EHF: variants seen among roughly 807,000 people sequenced by gnomAD.
The protein encoded by EHF is ETS homologous factor.
A neutral mutation model predicts 45.1 loss-of-function variants in EHF; 14 were observed. The observed-to-expected ratio is 0.31, with a 90% CI of 0.21 to 0.49. EHF has a LOEUF of 0.49. Among genes scored for constraint, EHF ranks in the 20% least tolerant of loss-of-function variants. The pLI, the probability that EHF is intolerant of heterozygous loss-of-function variation, is 0.99. For missense variants in EHF, 282 were observed against 371.4 expected, an observed-to-expected ratio of 0.76 and a Z score of 1.98; for synonymous variants, 136 against 131.8, an observed-to-expected ratio of 1.03 and a Z score of -0.22.
rs138021725 is a variant in EHF, at chr11:34,642,300, AG to A, written c.-3-327del. 2.3e-3 allele frequency: 407 copies of A among 173,300 alleles called. 9 individuals carry two copies. Among genetic ancestry groups the A allele is most frequent in the East Asian group, 5.7e-3 (36 of 6,348 alleles). The allele number at this position is 173,300 out of a possible 1,614,324, so 10.7% of individuals were successfully genotyped here. ...GCATTTTCACTTTTGTAAAAAAAAA[AG>A]AAAAAAAAAAACTGCTTGGATGCCA... On this transcript the variant is annotated intron_variant, in intron 1 of 8. Coordinates refer to ENST00000257831, the MANE Select transcript of EHF (RefSeq NM_012153.6).
chr11:34,642,538 T>G (rs1376458487), intron 1 of EHF, 90 bp from the exon 2 acceptor site: 15 of 830,598 alleles, frequency 1.8e-5, no homozygotes, highest in Non-Finnish European at 3.0e-5. Context: ...TTCTCTTTAT[T>G]TTCTTCCTAA....
In EHF at chr11:34,649,001, C is replaced by A; in HGVS notation, c.344-18C>A. On this transcript the variant is annotated intron_variant, in intron 3 of 8. Transcript: ENST00000257831. ...TCCATCTGGGCCCTCTCTGACTATC[C>A]CAATCTGTCCTTCACAGGCCAGTGC... 6.2e-7 allele frequency: 1 copy of A among 1,611,134 alleles called. No homozygotes were observed. The highest frequency in any genetic ancestry group is 8.5e-7 in the Non-Finnish European group (1 of 1,177,898).
At chr11:34,655,087 C>A (rs770273792) in intron 6 of EHF, among the ~76,000 whole-genome samples, 4 of 152,172 alleles carry the variant, frequency 2.6e-5, no homozygotes, top group Non-Finnish European at 5.9e-5. Flanking sequence ...CTGCAACCTA[C>A]AGGGAGGGAG....
chr11:34,631,564 C>T (rs1852891858), intron 1 of EHF: 3 of 984,698 alleles, frequency 3.0e-6, no homozygotes, highest in South Asian at 9.4e-5. Flanking sequence ...GCCCTTTCCA[C>T]CTGGGACCTG....
chr11:34,634,183 T>G (rs1033267992), intron 1 of EHF, among the ~76,000 whole-genome samples: 2 of 141,776 alleles, frequency 1.4e-5, no homozygotes, highest in African/African-American at 5.2e-5. Flanking sequence ...CTTTCACATG[T>G]ACATGGATTT....
At chr11:34,653,784 G>T (rs774925431) in intron 6 of EHF, among the ~76,000 whole-genome samples, 1 of 152,090 alleles carries the variant, frequency 6.6e-6, no homozygotes. Flanking sequence ...TTTATTTTTC[G>T]AGCTCCCATG....
At chr11:34,631,592 G>A (rs1852893881) in intron 1 of EHF, 1 of 983,986 alleles carries the variant, frequency 1.0e-6, no homozygotes. Context: ...AAATCTCTTG[G>A]CAGGAGATGA....
intron 1 of EHF, chr11:34,622,234 T>C (rs1475556346): frequency 8.0e-6 from 2 of 250,304 alleles, no homozygotes; most frequent in African/African-American, 2.3e-5. Flanking sequence ...TGATTTACCA[T>C]GCTCCCAGGA....
At chr11:34,621,764 A>G (rs1369784096) in intron 1 of EHF, among the ~76,000 whole-genome samples, 3 of 152,242 alleles carry the variant, frequency 2.0e-5, no homozygotes, top group Non-Finnish European at 4.4e-5. Flanking sequence ...ACACAATCAC[A>G]CTGGAAAAAG....
chr11:34,659,883 T>A lies in EHF; in HGVS notation c.*952T>A, dbSNP rs1304700346. On this transcript the variant is annotated 3_prime_UTR_variant, in exon 9 of 9. Coordinates refer to ENST00000257831, the MANE Select transcript of EHF (RefSeq NM_012153.6). ...GTGCATTGTAAGATGTTCAGCAGTA[T>A]CCACTCATGGTCTCTAACCACTTGA... is the stretch of plus-strand genomic sequence containing the variant. 4 of 152,160 alleles carry A rather than the reference T, an allele frequency of 2.6e-5. No individual in the cohort carries two copies. Among genetic ancestry groups the A allele is most frequent in the African/African-American group, 9.7e-5 (4 of 41,430 alleles). The allele number at this position is 152,160 out of a possible 1,614,324, so 9.4% of individuals were successfully genotyped here. A position where few individuals can be genotyped will look rare whatever the true frequency, so the allele number is the denominator to read the frequency against.
chr11:34,636,809 G>A (rs1159946628), intron 1 of EHF, among the ~76,000 whole-genome samples: 1 of 152,198 alleles, frequency 6.6e-6, no homozygotes, highest in Non-Finnish European at 1.5e-5. Flanking sequence ...AAGGCAGGCA[G>A]ATCACCTGAG....
chr11:34,628,875 T>C (rs1852615669), intron 1 of EHF, among the ~76,000 whole-genome samples: 1 of 152,312 alleles, frequency 6.6e-6, no homozygotes, highest in Middle Eastern at 3.4e-3. Context: ...CGGGGCCCCA[T>C]GCTTAGAAAG....
At chr11:34,651,888 CCTTTCTGGAGT>C in intron 6 of EHF, 83 bp downstream of exon 6, 2 of 1,347,682 alleles carry the variant, frequency 1.5e-6, no homozygotes, top group East Asian at 4.6e-5. Context: ...TACATTTCTG[CCTTTCTGGAGT>C]CTTTCTAATT....
At chr11:34,621,686 C>T (rs1405156859) in intron 1 of EHF, among the ~76,000 whole-genome samples, 4 of 152,162 alleles carry the variant, frequency 2.6e-5, no homozygotes, top group African/African-American at 9.7e-5. Context: ...TTATGAGCTA[C>T]ATGGAAAGGC....
At position 34,645,085 on chromosome 11, in the gene EHF, C is replaced by A. The variant is rs993298352; in HGVS notation, c.98-1354C>A. On this transcript the variant is annotated intron_variant, in intron 2 of 8. Coordinates refer to ENST00000257831, the MANE Select transcript of EHF (RefSeq NM_012153.6). ...GTCTTTGCCCCTTGCCCCTTTCACT[C>A]ATCTTTCCTGAAAGAGAGTTCCTTC... 2.0e-5 allele frequency among the ~76,000 whole-genome samples: 3 copies of A among 152,184 alleles called. No homozygotes were observed. In the South Asian group the frequency reaches 6.2e-4, roughly 32 times the overall value.
rs976860055 is a variant in EHF at position 34,621,180 on chromosome 11, A to C, written c.-52A>C. 6.6e-6 allele frequency: 1 copy of C among 152,236 alleles called. No homozygotes were observed. Among genetic ancestry groups the C allele is most frequent in the Admixed American group, 6.5e-5 (1 of 15,286 alleles). 9.4% of individuals were successfully genotyped at this position (152,236 alleles called of 1,614,324 possible). ...GATTGCAGCCTGCTGCCTCCCCTCC[A>C]ACAGCCACAGCTATTGGATTTCCCA... is the stretch of plus-strand genomic sequence containing the variant. On this transcript the variant is annotated 5_prime_UTR_variant, in exon 1 of 9. Transcript: ENST00000257831.
intron 1 of EHF, chr11:34,624,295 C>T (rs1003400218): frequency 3.0e-6 from 3 of 985,368 alleles, no homozygotes; most frequent in East Asian, 1.1e-4. Context: ...AAACCGAACG[C>T]GGCGCTGTGG....
intron 3 of EHF, among the ~76,000 whole-genome samples, chr11:34,647,520 C>T (rs932676318): frequency 6.6e-6 from 1 of 152,232 alleles, no homozygotes; most frequent in Admixed American, 6.5e-5. Flanking sequence ...CTGTAAAAAT[C>T]TAGCTCTTCT....
At position 34,634,398 on chromosome 11, in the gene EHF, A is replaced by G. The variant is rs185335313; in HGVS notation, c.-3-8230A>G. On this transcript the variant is annotated intron_variant, in intron 1 of 8. Coordinates refer to ENST00000257831, the MANE Select transcript of EHF (RefSeq NM_012153.6). ...TAATTGCTCCTTTGGCTTCAGAGGTAAAAATGCCCACATGGCAGCCAGTTC... is the reference window on the plus strand; with the variant it reads ...TAATTGCTCCTTTGGCTTCAGAGGTGAAAATGCCCACATGGCAGCCAGTTC... 4.0e-3 allele frequency among the ~76,000 whole-genome samples: 603 copies of G among 152,368 alleles called. 2 individuals are homozygous for G. The highest frequency in any genetic ancestry group is 7.5e-3 in the Non-Finnish European group (512 of 68,040).
Sources: gnomAD v4.1 joint callset for allele counts (sites outside exome capture counted in the v4.1 genomes callset) on GRCh38, gnomAD v4.1.1 for gene constraint, MANE v1.5 for transcripts, NCBI Gene and HGNC (gene_info 2026-07-23, HGNC 2026-07-21) for gene names.